The following PCCA variants were observed in gnomAD, a reference collection of about 807,000 sequenced individuals.
PCCA encodes the protein propionyl-CoA carboxylase subunit alpha.
A neutral mutation model predicts 101.3 loss-of-function variants in PCCA; 74 were observed. The observed-to-expected ratio is 0.73, with a 90% CI of 0.61 to 0.89. PCCA has a LOEUF of 0.89. PCCA is among the 40% of genes least tolerant of loss of function. The probability of loss-of-function intolerance (pLI) is 0.00; values close to 1 mark genes in which losing one functional copy is unlikely to be tolerated. For synonymous variants in PCCA, 294 were observed against 313.6 expected (o/e 0.94, Z 0.66); for missense variants, 891 against 907.0 (o/e 0.98, Z 0.23).
At chr13:100,456,228 A>C (rs1431908823) in intron 21 of PCCA, among the ~76,000 whole-genome samples, 1 of 152,174 alleles carries the variant, frequency 6.6e-6, no homozygotes, top group Non-Finnish European at 1.5e-5. Flanking sequence ...AGTACCTCTT[A>C]TAGCTTTTTG....
chr13:100,397,903 C>G (rs1224363608), intron 19 of PCCA, among the ~76,000 whole-genome samples: 1 of 152,132 alleles, frequency 6.6e-6, no homozygotes, highest in Non-Finnish European at 1.5e-5. Context: ...CTACCAAATT[C>G]CCCAGTTGGA....
chr13:100,143,603 A>G (rs1260533010), intron 4 of PCCA, among the ~76,000 whole-genome samples: 1 of 151,964 alleles, frequency 6.6e-6, no homozygotes, highest in Non-Finnish European at 1.5e-5. Context: ...ATGAATAGGA[A>G]GAAATAAAAA....
chr13:100,288,624 C>T (rs1028857421), intron 12 of PCCA, among the ~76,000 whole-genome samples: 2 of 152,210 alleles, frequency 1.3e-5, no homozygotes, highest in African/African-American at 2.4e-5. Flanking sequence ...ACTAGGGTTG[C>T]TCTTTGTGTT....
chr13:100,094,068 A>C (rs1292094190), intron 1 of PCCA, among the ~76,000 whole-genome samples: 2 of 151,886 alleles, frequency 1.3e-5, no homozygotes, highest in Non-Finnish European at 2.9e-5. Context: ...GTCTCTACTA[A>C]AAATACAAAA....
intron 21 of PCCA, among the ~76,000 whole-genome samples, chr13:100,466,716 G>A (rs1233711207): frequency 6.6e-6 from 1 of 152,104 alleles, no homozygotes; most frequent in Non-Finnish European, 1.5e-5. Flanking sequence ...AAATTAGCTG[G>A]GTGTGGTGGT....
At chr13:100,231,003 G>A (rs1298035429) in intron 7 of PCCA, among the ~76,000 whole-genome samples, 1 of 152,028 alleles carries the variant, frequency 6.6e-6, no homozygotes, top group East Asian at 1.9e-4. Context: ...CTCTCTTCAG[G>A]TCCCAGACAC....
rs992813389 is a variant in PCCA, at chr13:100,394,193, G to A, written c.1746+25619G>A. Among the ~76,000 whole-genome samples the A allele has an allele frequency of 3.9e-5, 6 of 152,178 alleles. No homozygotes were observed. The highest frequency in any genetic ancestry group is 1.3e-4 in the Admixed American group (2 of 15,280). On this transcript the variant is annotated intron_variant, in intron 19 of 23. Coordinates refer to ENST00000376285, the MANE Select transcript of PCCA (RefSeq NM_000282.4). This position sits in a 1 kb window ranked among gnomAD's most constrained non-coding sequence, Gnocchi z 4.3. ...TAGTCCTTCGTAGAACTGGATGTCC[G>A]TTTGTTGCAACTGAATTCTCATTTC...
chr13:100,210,082 T>TC (rs1246061242), intron 7 of PCCA, among the ~76,000 whole-genome samples: 1 of 151,928 alleles, frequency 6.6e-6, no homozygotes, highest in Non-Finnish European at 1.5e-5. Context: ...GACTCAAGAA[T>TC]CCCTCCTTCT....
chr13:100,158,861 C>T (rs765694559), intron 6 of PCCA, among the ~76,000 whole-genome samples: 44 of 151,814 alleles, frequency 2.9e-4, no homozygotes, highest in Non-Finnish European at 5.3e-4. Context: ...GACCATTTGG[C>T]CTATCAAGCC....
At chr13:100,370,823 G>C (rs1209785036) in intron 19 of PCCA, among the ~76,000 whole-genome samples, 1 of 152,140 alleles carries the variant, frequency 6.6e-6, no homozygotes, top group African/African-American at 2.4e-5. Context: ...CGGGAGAACT[G>C]TGATTGTTAA....
At chr13:100,151,658 C>T (rs185177445) in intron 4 of PCCA, among the ~76,000 whole-genome samples, 2 of 151,906 alleles carry the variant, frequency 1.3e-5, no homozygotes, top group African/African-American at 4.8e-5. Context: ...GATGGGAAAG[C>T]TAATAATCTG....
chr13:100,164,861 A>G (rs1476585013), intron 6 of PCCA, among the ~76,000 whole-genome samples: 2 of 152,108 alleles, frequency 1.3e-5, no homozygotes, highest in Admixed American at 6.6e-5. Flanking sequence ...ACCTACTCCT[A>G]GCCCCTGGTA....
chr13:100,215,227 C>G (rs2059443959), intron 7 of PCCA, among the ~76,000 whole-genome samples: 1 of 152,214 alleles, frequency 6.6e-6, no homozygotes, highest in Admixed American at 6.5e-5. Context: ...GGACCCTACA[C>G]TTAACTCATC....
intron 6 of PCCA, among the ~76,000 whole-genome samples, chr13:100,194,464 C>G (rs2057962097): frequency 6.6e-6 from 1 of 152,224 alleles, no homozygotes. Flanking sequence ...GTCGCCCAGG[C>G]TGGAGTGCAG....
chr13:100,292,934 C>CGTGTGT (rs36098330), intron 12 of PCCA, among the ~76,000 whole-genome samples: 44,804 of 147,542 alleles, frequency 0.3, 8,069 homozygotes, highest in East Asian at 0.56. Context: ...TTTCCAAATT[C>CGTGTGT]GTGTGTGTGT....
intron 18 of PCCA, among the ~76,000 whole-genome samples, chr13:100,368,096 C>T (rs753747785): frequency 3.9e-5 from 6 of 152,062 alleles, no homozygotes; most frequent in South Asian, 4.1e-4. Flanking sequence ...TTTTTAGTCT[C>T]ATCACCAGTA....
intron 7 of PCCA, among the ~76,000 whole-genome samples, chr13:100,232,391 T>TGTGTGG (rs1490661189): frequency 4.7e-5 from 7 of 148,968 alleles, no homozygotes; most frequent in African/African-American, 1.8e-4. Flanking sequence ...TGTGTGTGTG[T>TGTGTGG]GGTTTTAGAG....
chr13:100,250,992 G>A (rs2061715062), intron 8 of PCCA, among the ~76,000 whole-genome samples: 1 of 152,126 alleles, frequency 6.6e-6, no homozygotes, highest in African/African-American at 2.4e-5. Context: ...GTAGGCAGGA[G>A]AGAGATATAA....
rs544979350 is a variant in PCCA at position 100,453,379 on chromosome 13, C to T, written c.1899+4074C>T. 1.1e-4 allele frequency among the ~76,000 whole-genome samples: 17 copies of T among 151,612 alleles called. No individual in the cohort carries two copies. In the East Asian group the frequency reaches 2.9e-3, roughly 26 times the overall value. The stretch of plus-strand genomic sequence containing the variant: ...AGCCAGGCATGGTGGCAGGAGCCTG[C>T]GATCCCAGCTACTACAGGAGGCTGA... On this transcript the variant is annotated intron_variant, in intron 21 of 23. Coordinates refer to ENST00000376285, the MANE Select transcript of PCCA (RefSeq NM_000282.4).
Sources: gnomAD v4.1 joint callset for allele counts (sites outside exome capture counted in the v4.1 genomes callset) on GRCh38, gnomAD v4.1.1 for gene constraint, Gnocchi (gnomAD v3.1) non-coding constraint, MANE v1.5 for transcripts, NCBI Gene and HGNC (gene_info 2026-07-23, HGNC 2026-07-21) for gene names.